The following PPP3CA variants were observed in gnomAD, a reference collection of about 807,000 sequenced individuals.
PPP3CA encodes the protein CAM-PRP catalytic subunit.
In PPP3CA, 14 loss-of-function variants were observed where a neutral mutation model predicts 66.5. That is an observed-to-expected ratio of 0.21 (90% CI 0.14 to 0.33). PPP3CA has a LOEUF of 0.33. Among genes scored for constraint, PPP3CA ranks in the 10% least tolerant of loss-of-function variants. PPP3CA has a pLI of 1.00. For missense variants in PPP3CA, 317 were observed against 639.5 expected (o/e 0.50, Z 5.44); for synonymous variants, 232 against 226.2 (o/e 1.03, Z -0.23).
chr4:101,317,031 T>G (rs1190200020), intron 1 of PPP3CA, among the ~76,000 whole-genome samples: 1 of 151,988 alleles, frequency 6.6e-6, no homozygotes, highest in Non-Finnish European at 1.5e-5. Context: ...TATAAGTATT[T>G]TTCCCCAATA....
intron 2 of PPP3CA, among the ~76,000 whole-genome samples, chr4:101,124,709 GAAAGAA>G (rs1722155195): frequency 2.0e-5 from 2 of 97,850 alleles, no homozygotes; most frequent in South Asian, 3.6e-4. Flanking sequence ...AAGAAAGAAA[GAAAGAA>G]AGAAAGAAAG....
At chr4:101,247,742 T>C (rs60619517) in intron 1 of PPP3CA, among the ~76,000 whole-genome samples, 84 of 152,310 alleles carry the variant, frequency 5.5e-4, no homozygotes, top group African/African-American at 1.9e-3. Flanking sequence ...GAAAGTTGCT[T>C]ACAGTTGTCA....
intron 8 of PPP3CA, among the ~76,000 whole-genome samples, chr4:101,065,256 T>C (rs1210166831): frequency 6.6e-6 from 1 of 152,072 alleles, no homozygotes; most frequent in African/African-American, 2.4e-5. Flanking sequence ...CTTTGCTAAG[T>C]GCTACCAGAG....
intron 5 of PPP3CA, among the ~76,000 whole-genome samples, chr4:101,098,033 A>G (rs938755065): frequency 2.6e-5 from 4 of 152,220 alleles, no homozygotes; most frequent in African/African-American, 9.6e-5. Context: ...CAACATTTCT[A>G]GCATAACACA....
intron 1 of PPP3CA, among the ~76,000 whole-genome samples, chr4:101,288,600 G>A (rs541807162): frequency 1.8e-4 from 28 of 151,804 alleles, no homozygotes; most frequent in African/African-American, 6.3e-4. Flanking sequence ...ACGGGAAGGA[G>A]GGGAAGGAGG....
chr4:101,083,362 T>A, intron 6 of PPP3CA, 99 bp from the exon 7 acceptor site: 1 of 1,029,050 alleles, frequency 9.7e-7, no homozygotes, highest in Non-Finnish European at 1.5e-6. Context: ...GGATCAAAGA[T>A]AATCAAACAT....
At chr4:101,136,611 G>C (rs1054089048) in intron 2 of PPP3CA, among the ~76,000 whole-genome samples, 1 of 151,630 alleles carries the variant, frequency 6.6e-6, no homozygotes, top group African/African-American at 2.4e-5. Flanking sequence ...GGATTTTGTT[G>C]CTGGACTTCC....
rs749789772 is a variant in PPP3CA at position 101,098,386 on chromosome 4, G to A, written c.623C>T (p.Thr208Ile). The part of the protein sequence containing the change: ...VHGGLSPEIN[T>I]LDDIRKLDRF... Reference sequence around the variant, plus strand: ...ACTTACTTTTCTGATATCATCTAAAGTGTTAATCTCTGGAGACAAACCACC... The same window carrying A: ...ACTTACTTTTCTGATATCATCTAAAATGTTAATCTCTGGAGACAAACCACC... The change falls in exon 5 of 14, where the codon ACT becomes ATT. Residue 208 changes from threonine to isoleucine, a missense_variant. Around this residue, in one of 3 missense-constraint regions of PPP3CA, gnomAD observed 201 missense variants for 501.4 expected, o/e 0.40. Transcript: ENST00000394854. 6 of 1,608,622 alleles carry A rather than the reference G, an allele frequency of 3.7e-6. No homozygotes were observed. The highest frequency in any genetic ancestry group is 3.4e-5 in the Admixed American group (2 of 58,872).
At chr4:101,054,475 G>A (rs892090373) in intron 10 of PPP3CA, among the ~76,000 whole-genome samples, 2 of 152,030 alleles carry the variant, frequency 1.3e-5, no homozygotes, top group African/African-American at 4.8e-5. Flanking sequence ...GGAATTACTA[G>A]TGCCAAACGC....
intron 11 of PPP3CA, among the ~76,000 whole-genome samples, chr4:101,033,590 T>C (rs980811060): frequency 7.2e-5 from 11 of 152,204 alleles, no homozygotes; most frequent in African/African-American, 2.7e-4. Context: ...TTAACCATTC[T>C]CACAAGGCTA....
chr4:101,291,660 A>G (rs1728031049), intron 1 of PPP3CA, among the ~76,000 whole-genome samples: 1 of 152,218 alleles, frequency 6.6e-6, no homozygotes, highest in South Asian at 2.1e-4. Context: ...ACATTTCAAA[A>G]AGGAAGGAAA....
intron 1 of PPP3CA, among the ~76,000 whole-genome samples, chr4:101,295,145 C>CA (rs930063059): frequency 6.7e-6 from 1 of 149,234 alleles, no homozygotes; most frequent in African/African-American, 2.5e-5. Context: ...ACTAAAAATA[C>CA]AAAAAATTAG....
chr4:101,239,202 C>T (rs1463968998), intron 1 of PPP3CA, among the ~76,000 whole-genome samples: 1 of 152,082 alleles, frequency 6.6e-6, no homozygotes, highest in East Asian at 1.9e-4. Flanking sequence ...AAACATCTCA[C>T]CCTTCTCAGA....
At chr4:101,244,665 T>C (rs1269400839) in intron 1 of PPP3CA, among the ~76,000 whole-genome samples, 4 of 152,164 alleles carry the variant, frequency 2.6e-5, no homozygotes, top group South Asian at 2.1e-4. Flanking sequence ...ACATACAGAA[T>C]AGATCTGTTA....
At chr4:101,153,664 T>C (rs1723215046) in intron 2 of PPP3CA, among the ~76,000 whole-genome samples, 2 of 152,204 alleles carry the variant, frequency 1.3e-5, no homozygotes, top group Admixed American at 1.3e-4. Flanking sequence ...AGAATCCTAT[T>C]AGCACTCAAG....
At chr4:101,267,559 C>T (rs559743019) in intron 1 of PPP3CA, among the ~76,000 whole-genome samples, 172 of 152,166 alleles carry the variant, frequency 1.1e-3, no homozygotes, top group Non-Finnish European at 1.8e-3. Context: ...GCATGAAGCC[C>T]GTACTATACT....
At chr4:101,128,495 A>G (rs1722317604) in intron 2 of PPP3CA, among the ~76,000 whole-genome samples, 1 of 151,944 alleles carries the variant, frequency 6.6e-6, no homozygotes, top group Admixed American at 6.6e-5. Context: ...TGCAGCTCCC[A>G]GCGACACCAA....
chr4:101,346,957 T>C lies in PPP3CA; in HGVS notation c.-161A>G, dbSNP rs1730027783. The stretch of plus-strand genomic sequence containing the variant: ...GGCTCTGAGCTGGCTTTAAAGTTGC[T>C]GCCTTTTCCGCGCGTCCCTCCTCCG... On this transcript the variant is annotated 5_prime_UTR_variant, in exon 1 of 14. Coordinates refer to ENST00000394854, the MANE Select transcript of PPP3CA (RefSeq NM_000944.5). The C allele has an allele frequency of 1.3e-6, 1 of 786,124 alleles. No individual in the cohort carries two copies. The highest frequency in any genetic ancestry group is 2.0e-6 in the Non-Finnish European group (1 of 496,858). The allele number at this position is 786,124 out of a possible 1,614,324, so 48.7% of individuals were successfully genotyped here.
intron 11 of PPP3CA, among the ~76,000 whole-genome samples, chr4:101,033,964 C>T (rs892757659): frequency 6.6e-6 from 1 of 152,160 alleles, no homozygotes; most frequent in African/African-American, 2.4e-5. Flanking sequence ...CTGCTCCATC[C>T]GAGTCACACT....
Sources: gnomAD v4.1 joint callset for allele counts (sites outside exome capture counted in the v4.1 genomes callset) on GRCh38, gnomAD v4.1.1 for gene constraint, gnomAD v4.1.1 regional missense constraint, MANE v1.5 for transcripts, NCBI Gene and HGNC (gene_info 2026-07-23, HGNC 2026-07-21) for gene names.